The following ISX variants were observed in gnomAD, a reference collection of about 807,000 sequenced individuals.
The protein encoded by ISX is intestine specific homeobox.
Under a neutral mutation model 16.9 loss-of-function variants are expected in ISX, and 15 were observed. The ratio of observed to expected loss-of-function variants is 0.89; its 90% CI spans 0.59 to 1.36. ISX has a LOEUF of 1.36. Among genes scored for constraint, ISX ranks in the 40% most tolerant of loss-of-function variants. The pLI, the probability that ISX is intolerant of heterozygous loss-of-function variation, is 0.00. For missense variants in ISX, 316 were observed against 306.1 expected (o/e 1.03, Z -0.24); for synonymous variants, 125 against 119.7 (o/e 1.04, Z -0.29).
In ISX at chr22:35,084,427, G is replaced by T; in HGVS notation, c.426G>T (p.Lys142Asn). ...NQRAKWRKQE[K>N]IGNLGAPQQL... ...GAGCCAAGTGGCGGAAGCAGGAGAA[G>T]ATTGGCAACCTGGGGGCTCCACAGC... The change falls in exon 4 of 5, where the codon AAG becomes AAT. Residue 142 changes from lysine (K) to asparagine (N), a missense_variant. By Grantham distance (94) the Lys-to-Asn change is moderately conservative. Transcript: ENST00000404699. 6.2e-7 allele frequency: 1 copy of T among 1,614,032 alleles called. No homozygotes were observed. The highest frequency in any genetic ancestry group is 8.5e-7 in the Non-Finnish European group (1 of 1,179,934).
intron 4 of ISX, among the ~76,000 whole-genome samples, chr22:35,085,240 A>G (rs1357547448): frequency 6.6e-6 from 1 of 152,138 alleles, no homozygotes; most frequent in Admixed American, 6.5e-5. Context: ...AAATCCCCAG[A>G]CCATGCACTT....
chr22:35,071,874 C>T (rs1413950299), intron 2 of ISX, among the ~76,000 whole-genome samples: 3 of 152,086 alleles, frequency 2.0e-5, no homozygotes, highest in Non-Finnish European at 1.5e-5. Flanking sequence ...CCCTCCTTTC[C>T]GTAGCCCTCC....
rs1929241507 is a variant in ISX, at chr22:35,085,798, T to C, written c.*105T>C. The C allele has an allele frequency of 2.9e-5, 43 of 1,469,892 alleles. No individual in the cohort carries two copies. The South Asian group carries it at 4.7e-4, about 16-fold the overall frequency. The allele number at this position is 1,469,892 out of a possible 1,614,324, so 91.1% of individuals were successfully genotyped here. A position where few individuals can be genotyped will look rare whatever the true frequency, so the allele number is the denominator to read the frequency against. ...GGAAATCGATTTCACAATCCAAAAATGGCCCACAGCCCAGGAAGCTACCCT... is the reference window on the plus strand; with the variant it reads ...GGAAATCGATTTCACAATCCAAAAACGGCCCACAGCCCAGGAAGCTACCCT... On this transcript the variant is annotated 3_prime_UTR_variant, in exon 5 of 5. Coordinates refer to ENST00000404699, the MANE Select transcript of ISX (RefSeq NM_001303508.2).
chr22:35,084,052 C>T (rs999683418), intron 3 of ISX, among the ~76,000 whole-genome samples: 5 of 152,246 alleles, frequency 3.3e-5, no homozygotes, highest in Admixed American at 2.6e-4. Context: ...CCTGCAACAC[C>T]GGACTCACAT....
rs766778483 is a variant in ISX, at chr22:35,085,737, G to T, written c.*44G>T. ...CCAAATGAGCCACTTTCCTCTCCAGGTGAAGGCAGGTAGCAGATGTGCCCT... is the reference window on the plus strand; with the variant it reads ...CCAAATGAGCCACTTTCCTCTCCAGTTGAAGGCAGGTAGCAGATGTGCCCT... On this transcript the variant is annotated 3_prime_UTR_variant, in exon 5 of 5. Transcript: ENST00000404699. 6.2e-7 allele frequency: 1 copy of T among 1,612,328 alleles called. No homozygotes were observed. The highest frequency in any genetic ancestry group is 8.5e-7 in the Non-Finnish European group (1 of 1,178,584).
intron 2 of ISX, 101 bp downstream of exon 2, chr22:35,067,417 G>T: frequency 1.3e-6 from 1 of 796,274 alleles, no homozygotes; most frequent in Non-Finnish European, 2.0e-6. Context: ...CTGGATAGAG[G>T]ACTCTAAAAT....
chr22:35,086,776 G>A lies in ISX; in HGVS notation c.*1083G>A, dbSNP rs143172492. On this transcript the variant is annotated 3_prime_UTR_variant, in exon 5 of 5. Coordinates refer to ENST00000404699, the MANE Select transcript of ISX (RefSeq NM_001303508.2). ...GTGGCTGCTTTGGATGCCAGCCCAG[G>A]ATGAGTAGTTCCTGTTCTCAGGGAG... is the stretch of plus-strand genomic sequence containing the variant. The A allele has an allele frequency of 3.3e-5, 5 of 152,364 alleles. No homozygotes were observed. The highest frequency in any genetic ancestry group is 7.2e-5 in the African/African-American group (3 of 41,574). 9.4% of individuals were successfully genotyped at this position (152,364 alleles called of 1,614,324 possible).
chr22:35,076,528 C>T (rs992733662), intron 2 of ISX, among the ~76,000 whole-genome samples: 47 of 152,250 alleles, frequency 3.1e-4, no homozygotes, highest in African/African-American at 1.0e-3. Context: ...CAGGAGGTGT[C>T]CCCAGCCTAC....
intron 2 of ISX, 100 bp from the exon 3 acceptor site, chr22:35,082,418 A>G: frequency 8.7e-7 from 1 of 1,154,382 alleles, no homozygotes; most frequent in Non-Finnish European, 1.3e-6. Flanking sequence ...AAGGCTCGGG[A>G]GCAGCAGTGG....
At chr22:35,075,013 G>A (rs1450244077) in intron 2 of ISX, among the ~76,000 whole-genome samples, 2 of 152,184 alleles carry the variant, frequency 1.3e-5, no homozygotes, top group Non-Finnish European at 2.9e-5. Context: ...CATGCTTCAT[G>A]TTTAATCTCA....
chr22:35,082,557 C>T lies in ISX; in HGVS notation c.269C>T (p.Thr90Ile), dbSNP rs200321013. Residue 90 changes from threonine (T) to isoleucine (I), a missense_variant, in exon 3 of 5, where the codon ACC (threonine) becomes ATC (isoleucine). By Grantham distance (89) the Thr-to-Ile change is moderately conservative. Transcript: ENST00000404699. ...AAGCGGAGGGTTCGTACCACCTTCA[C>T]CACTGAGCAGCTGCATGAGCTGGAG... ...KSKRRVRTTF[T>I]TEQLHELEKI... 9.4e-5 allele frequency: 152 copies of T among 1,614,070 alleles called. No homozygotes were observed. The highest frequency in any genetic ancestry group is 4.5e-5 in the Non-Finnish European group (53 of 1,180,038).
At chr22:35,085,280 G>A (rs1241721829) in intron 4 of ISX, among the ~76,000 whole-genome samples, 174 bp from the exon 5 acceptor site, 1 of 152,118 alleles carries the variant, frequency 6.6e-6, no homozygotes, top group Non-Finnish European at 1.5e-5. Flanking sequence ...AACCATCCAG[G>A]TTTGCATGGG....
chr22:35,070,864 T>C (rs566564511), intron 2 of ISX, among the ~76,000 whole-genome samples: 1 of 152,240 alleles, frequency 6.6e-6, no homozygotes, highest in Middle Eastern at 3.2e-3. Context: ...GAACAGATGG[T>C]AATTTTAAGC....
At chr22:35,085,061 C>T (rs1929215922) in intron 4 of ISX, among the ~76,000 whole-genome samples, 1 of 152,126 alleles carries the variant, frequency 6.6e-6, no homozygotes, top group Non-Finnish European at 1.5e-5. Flanking sequence ...ACAAAATAGA[C>T]AATACTTCCC....
At chr22:35,080,065 A>G (rs915976093) in intron 2 of ISX, among the ~76,000 whole-genome samples, 24 of 152,154 alleles carry the variant, frequency 1.6e-4, no homozygotes, top group African/African-American at 5.3e-4. Context: ...TCTCTGCAGC[A>G]TGGACCCAGC....
intron 2 of ISX, among the ~76,000 whole-genome samples, chr22:35,080,753 C>G (rs1230742800): frequency 6.6e-6 from 1 of 152,174 alleles, no homozygotes; most frequent in Admixed American, 6.5e-5. Context: ...ACACTTGAAC[C>G]AGTTCCCACT....
chr22:35,073,729 T>G (rs1007968354), intron 2 of ISX, among the ~76,000 whole-genome samples: 1 of 152,196 alleles, frequency 6.6e-6, no homozygotes, highest in African/African-American at 2.4e-5. Flanking sequence ...GGGAGCCCCA[T>G]GGACAAGGGC....
chr22:35,071,324 T>G (rs1433557615), intron 2 of ISX, among the ~76,000 whole-genome samples: 3 of 152,242 alleles, frequency 2.0e-5, no homozygotes, highest in African/African-American at 7.2e-5. Flanking sequence ...CTGAGTGGCT[T>G]AAAACACAGA....
intron 2 of ISX, among the ~76,000 whole-genome samples, chr22:35,078,930 A>C (rs1481288813): frequency 6.6e-5 from 10 of 152,204 alleles, no homozygotes; most frequent in Admixed American, 5.9e-4. Context: ...TGACCTGATC[A>C]TTCAATGCCT....
Sources: gnomAD v4.1 joint callset for allele counts (sites outside exome capture counted in the v4.1 genomes callset) on GRCh38, gnomAD v4.1.1 for gene constraint, MANE v1.5 for transcripts, NCBI Gene and HGNC (gene_info 2026-07-23, HGNC 2026-07-21) for gene names.